PTPRD: variants seen among roughly 807,000 people sequenced by gnomAD.
PTPRD encodes receptor-type tyrosine-protein phosphatase delta.
PTPRD carries 34 observed loss-of-function variants against 214.5 expected under a neutral mutation model. That is an observed-to-expected ratio of 0.16 (90% CI 0.12 to 0.21). PTPRD has a LOEUF of 0.21. Ranked by LOEUF, PTPRD falls within the 10% of genes least tolerant of loss-of-function variation. The pLI is 1.00. For synonymous variants in PTPRD, 1,128 were observed against 845.7 expected (o/e 1.33, Z -5.79); for missense variants, 2,545 against 2,398.7 (o/e 1.06, Z -1.27).
In PTPRD at chr9:9,166,209, T is replaced by A. The variant is rs1051127119; in HGVS notation, c.-143+17095A>T. Among the ~76,000 whole-genome samples the A allele has an allele frequency of 2.0e-4, 30 of 152,080 alleles. No individual in the cohort carries two copies. The East Asian group carries it at 5.4e-3, about 27-fold the overall frequency. ...ACTGTGGTTTCTGATCCTTTCAATG[T>A]TGTAATAGTAGGAATAGAGGAGAGT... On this transcript the variant is annotated intron_variant, in intron 10 of 45. Transcript: ENST00000381196.
At chr9:9,907,042 C>T (rs556096523) in intron 5 of PTPRD, among the ~76,000 whole-genome samples, 37 of 151,928 alleles carry the variant, frequency 2.4e-4, no homozygotes, top group African/African-American at 8.7e-4. Flanking sequence ...AATCTCACCC[C>T]CCATACTCTC....
intron 9 of PTPRD, among the ~76,000 whole-genome samples, chr9:9,322,820 T>C (rs1166110876): frequency 2.0e-5 from 3 of 152,154 alleles, no homozygotes; most frequent in African/African-American, 2.4e-5. Context: ...TATACTGGCA[T>C]GTAAGCATGT....
At chr9:8,521,130 T>C (rs1363518753) in intron 20 of PTPRD, 147 bp downstream of exon 20, 3 of 979,514 alleles carry the variant, frequency 3.1e-6, no homozygotes, top group Non-Finnish European at 4.4e-6. Flanking sequence ...GCATGTTATA[T>C]AATACCACAG....
intron 2 of PTPRD, among the ~76,000 whole-genome samples, chr9:10,549,452 C>A (rs933911956): frequency 2.0e-5 from 3 of 152,126 alleles, no homozygotes; most frequent in African/African-American, 4.8e-5. Flanking sequence ...CCTTCTCCCC[C>A]ATCCTTGCAA....
rs975861176 is a variant in PTPRD, at chr9:9,609,483, G to T, written c.-286-34702C>A. On this transcript the variant is annotated intron_variant, in intron 7 of 45. Coordinates refer to ENST00000381196, the MANE Select transcript of PTPRD (RefSeq NM_002839.4). The stretch of plus-strand genomic sequence containing the variant: ...TTTTGTTGTCGTTGTTTGTTTTTGG[G>T]ACAGAGTCTCGCTCTGTAGCCCAGG... 5.3e-5 allele frequency among the ~76,000 whole-genome samples: 8 copies of T among 152,158 alleles called. No homozygotes were observed. The South Asian group carries it at 1.7e-3, about 32-fold the overall frequency.
chr9:10,580,689 AAAATTAT>A (rs1310419228), intron 2 of PTPRD, among the ~76,000 whole-genome samples: 1 of 152,214 alleles, frequency 6.6e-6, no homozygotes, highest in Admixed American at 6.5e-5. Flanking sequence ...CATGAAAGTT[AAAATTAT>A]AAATTATAAT....
chr9:9,628,706 G>A (rs1006279424), intron 7 of PTPRD, among the ~76,000 whole-genome samples: 3 of 151,944 alleles, frequency 2.0e-5, no homozygotes, highest in African/African-American at 7.3e-5. Flanking sequence ...TAAGAGGCAA[G>A]TGCTAATGAC....
At chr9:9,224,051 T>A (rs187992713) in intron 9 of PTPRD, among the ~76,000 whole-genome samples, 1 of 152,014 alleles carries the variant, frequency 6.6e-6, no homozygotes. Context: ...GTTGGTTTTG[T>A]ACAAGGCCAG....
chr9:10,138,861 T>C (rs992725741), intron 3 of PTPRD, among the ~76,000 whole-genome samples: 1 of 152,014 alleles, frequency 6.6e-6, no homozygotes, highest in South Asian at 2.1e-4. Flanking sequence ...CTTCATGAAG[T>C]AACCCTCAGC....
chr9:8,408,744 C>T (rs1168504772), intron 35 of PTPRD, among the ~76,000 whole-genome samples: 1 of 152,102 alleles, frequency 6.6e-6, no homozygotes, highest in Non-Finnish European at 1.5e-5. Context: ...GCTTCCCTGC[C>T]TGCACACTGG....
At chr9:8,495,761 A>G (rs1157240910) in intron 26 of PTPRD, among the ~76,000 whole-genome samples, 2 of 152,198 alleles carry the variant, frequency 1.3e-5, no homozygotes, top group Non-Finnish European at 2.9e-5. Flanking sequence ...TACGGTCAAA[A>G]ATGCTGCTGC....
At chr9:8,995,203 G>T (rs1043097819) in intron 11 of PTPRD, among the ~76,000 whole-genome samples, 29 of 151,966 alleles carry the variant, frequency 1.9e-4, no homozygotes, top group African/African-American at 6.8e-4. Context: ...AGTGAAATTT[G>T]GACCTGTACT....
intron 10 of PTPRD, among the ~76,000 whole-genome samples, chr9:9,168,255 A>G (rs930677378): frequency 2.0e-5 from 3 of 152,184 alleles, no homozygotes; most frequent in Admixed American, 2.0e-4. Context: ...CTTCTTCTAG[A>G]CAGTTTAGAT....
chr9:10,375,207 G>C (rs2097704476), intron 2 of PTPRD, among the ~76,000 whole-genome samples: 1 of 152,002 alleles, frequency 6.6e-6, no homozygotes, highest in African/African-American at 2.4e-5. Flanking sequence ...TCTAAGTAGA[G>C]GCTTGTACTT....
At chr9:9,015,136 A>C (rs2099529309) in intron 11 of PTPRD, among the ~76,000 whole-genome samples, 1 of 152,196 alleles carries the variant, frequency 6.6e-6, no homozygotes. Flanking sequence ...ACAATCAATC[A>C]ATCAATCATG....
At chr9:10,120,761 A>G (rs2098768253) in intron 3 of PTPRD, among the ~76,000 whole-genome samples, 1 of 152,114 alleles carries the variant, frequency 6.6e-6, no homozygotes, top group Non-Finnish European at 1.5e-5. Context: ...TGAGGAGCCA[A>G]CGATAATCCC....
intron 9 of PTPRD, among the ~76,000 whole-genome samples, chr9:9,334,530 A>G (rs1398087639): frequency 6.6e-6 from 1 of 151,988 alleles, no homozygotes; most frequent in Non-Finnish European, 1.5e-5. Flanking sequence ...TGGTGGGAAG[A>G]TCAGGAAGAA....
intron 14 of PTPRD, among the ~76,000 whole-genome samples, chr9:8,605,295 C>T (rs754619012): frequency 3.9e-5 from 6 of 152,140 alleles, no homozygotes; most frequent in Non-Finnish European, 7.3e-5. Context: ...CATAATTGGA[C>T]TTAACTATTG....
intron 5 of PTPRD, among the ~76,000 whole-genome samples, chr9:9,903,489 C>A (rs1021325222): frequency 1.3e-5 from 2 of 151,940 alleles, no homozygotes; most frequent in African/African-American, 4.8e-5. Flanking sequence ...ATCAGGTACC[C>A]AATAAATAAT....
Sources: allele counts gnomAD v4.1 joint callset (sites outside exome capture counted in the v4.1 genomes callset), GRCh38; gene constraint gnomAD v4.1.1; transcripts MANE v1.5; gene names NCBI Gene and HGNC (gene_info 2026-07-23, HGNC 2026-07-21).